The following MITF variants were observed in gnomAD, a reference collection of about 807,000 sequenced individuals.
MITF encodes microphthalmia-associated transcription factor.
MITF carries 17 observed loss-of-function variants against 60.5 expected under a neutral mutation model. That is an observed-to-expected ratio of 0.28 (90% CI 0.19 to 0.42). The LOEUF (loss-of-function observed/expected upper bound fraction) is 0.42. Among genes scored for constraint, MITF ranks in the 10% least tolerant of loss-of-function variants. MITF has a pLI of 1.00. For synonymous variants in MITF, 260 were observed against 248.5 expected (o/e 1.05, Z -0.43); for missense variants, 622 against 683.5 (o/e 0.91, Z 1.00).
Position 69,924,554 on chromosome 3 carries a change from A to G in MITF, c.355-13268A>G, listed in dbSNP as rs144211464. Reference sequence around the variant, plus strand: ...TTTATACGAAAGCAGAGTGAATAATAGAATGAACCCTTCGCGTAACCCATC... The same window carrying G: ...TTTATACGAAAGCAGAGTGAATAATGGAATGAACCCTTCGCGTAACCCATC... On this transcript the variant is annotated intron_variant, in intron 2 of 9. Coordinates refer to ENST00000352241, the MANE Select transcript of MITF (RefSeq NM_001354604.2). Among the ~76,000 whole-genome samples the G allele has an allele frequency of 2.5e-3, 384 of 152,360 alleles. 20 individuals carry two copies. The East Asian group carries it at 0.062, about 25-fold the overall frequency.
intron 3 of MITF, chr3:69,938,857 G>A: frequency 1.4e-6 from 2 of 1,426,736 alleles, no homozygotes; most frequent in South Asian, 3.1e-5. Flanking sequence ...ATTTCTAGAG[G>A]GACTAAAATC....
intron 2 of MITF, among the ~76,000 whole-genome samples, chr3:69,917,931 A>G (rs1559718964): frequency 6.6e-6 from 1 of 152,158 alleles, no homozygotes; most frequent in Non-Finnish European, 1.5e-5. Context: ...TTCCACTTTG[A>G]TCAATAGAAA....
chr3:69,921,841 T>G (rs2065474035), intron 2 of MITF, among the ~76,000 whole-genome samples: 1 of 152,166 alleles, frequency 6.6e-6, no homozygotes, highest in African/African-American at 2.4e-5. Context: ...ACTGTGGCAT[T>G]ATTAACACTG....
At chr3:69,821,054 C>T (rs563134081) in intron 1 of MITF, among the ~76,000 whole-genome samples, 3 of 152,264 alleles carry the variant, frequency 2.0e-5, no homozygotes, top group Admixed American at 6.5e-5. Context: ...GAGCCCCAAA[C>T]TTATAGCAAT....
chr3:69,814,151 A>T (rs2063144208), intron 1 of MITF, among the ~76,000 whole-genome samples: 2 of 151,910 alleles, frequency 1.3e-5, no homozygotes, highest in Non-Finnish European at 2.9e-5. Context: ...ACTCTCTGCC[A>T]CTGCGGTATT....
chr3:69,789,068 G>T (rs1334661321), intron 1 of MITF, among the ~76,000 whole-genome samples: 1 of 151,966 alleles, frequency 6.6e-6, no homozygotes, highest in African/African-American at 2.4e-5. Context: ...CAAAAGCACA[G>T]GCAACAAAAT....
chr3:69,922,085 G>A (rs2065479722), intron 2 of MITF, among the ~76,000 whole-genome samples: 1 of 152,178 alleles, frequency 6.6e-6, no homozygotes, highest in African/African-American at 2.4e-5. Context: ...TTCTGTGTGG[G>A]TTACTCTCCC....
rs2107551737 is a variant in MITF, at chr3:69,964,858, G to A, written c.1191G>A (p.Met397Ile). ...HLLLRIQELE[M>I]QARAHGLSLI... Reference sequence around the variant, plus strand: ...TACTCTTATTATAGGAACTTGAAATGCAGGCTCGAGCTCATGGACTTTCCC... The same window carrying A: ...TACTCTTATTATAGGAACTTGAAATACAGGCTCGAGCTCATGGACTTTCCC... The change falls in exon 10 of 10, where the codon ATG (methionine) becomes ATA (isoleucine). Residue 397 changes from methionine (M) to isoleucine (I), a missense_variant. By Grantham distance (10) the Met-to-Ile change is conservative (BLOSUM62 1). Coordinates refer to ENST00000352241, the MANE Select transcript of MITF (RefSeq NM_001354604.2). The A allele has an allele frequency of 6.2e-7, 1 of 1,614,000 alleles. No homozygotes were observed. Among genetic ancestry groups the A allele is most frequent in the Non-Finnish European group, 8.5e-7 (1 of 1,179,956 alleles).
At chr3:69,918,893 G>C (rs1451632058) in intron 2 of MITF, among the ~76,000 whole-genome samples, 5 of 152,118 alleles carry the variant, frequency 3.3e-5, no homozygotes, top group Non-Finnish European at 7.4e-5. Flanking sequence ...AAAATGGCAT[G>C]GCTTGTTGTT....
chr3:69,911,959 A>T (rs2065234138), intron 2 of MITF, among the ~76,000 whole-genome samples: 1 of 152,234 alleles, frequency 6.6e-6, no homozygotes, highest in Non-Finnish European at 1.5e-5. Flanking sequence ...AAACATGGGG[A>T]TGTTCACTGC....
At chr3:69,900,228 C>G (rs2064966940) in intron 2 of MITF, among the ~76,000 whole-genome samples, 1 of 152,088 alleles carries the variant, frequency 6.6e-6, no homozygotes, top group Admixed American at 6.6e-5. Flanking sequence ...TGACCCTCCC[C>G]TCTGCTCCCA....
intron 2 of MITF, among the ~76,000 whole-genome samples, chr3:69,889,418 C>A (rs1156909540): frequency 1.3e-5 from 2 of 149,928 alleles, no homozygotes; most frequent in African/African-American, 4.9e-5. Context: ...TTCACGAAAG[C>A]AGTGCTGTCT....
At chr3:69,792,242 G>T (rs1197624196) in intron 1 of MITF, among the ~76,000 whole-genome samples, 1 of 152,156 alleles carries the variant, frequency 6.6e-6, no homozygotes, top group Non-Finnish European at 1.5e-5. Context: ...GTGAGCAAAG[G>T]GCCAGATGTT....
chr3:69,831,358 C>G (rs905156470), intron 1 of MITF, among the ~76,000 whole-genome samples: 1 of 152,176 alleles, frequency 6.6e-6, no homozygotes, highest in Non-Finnish European at 1.5e-5. Context: ...TTTTTCTGTT[C>G]CTTTTTCTTT....
At chr3:69,938,116 C>G in intron 3 of MITF, 67 bp downstream of exon 3, 3 of 1,500,738 alleles carry the variant, frequency 2.0e-6, no homozygotes, top group Non-Finnish European at 2.8e-6. Context: ...AATATGATTC[C>G]CACACTTAAC....
intron 1 of MITF, among the ~76,000 whole-genome samples, chr3:69,804,296 T>C (rs766063340): frequency 1.3e-5 from 2 of 150,928 alleles, no homozygotes; most frequent in Non-Finnish European, 3.0e-5. Flanking sequence ...TTCTCTCCCA[T>C]TTCCCTCCCC....
At chr3:69,950,726 A>G (rs2066228542) in intron 6 of MITF, among the ~76,000 whole-genome samples, 1 of 151,816 alleles carries the variant, frequency 6.6e-6, no homozygotes. Context: ...GTAATGCTTC[A>G]GCTATCACTT....
chr3:69,861,619 T>C (rs2064018419), intron 1 of MITF, among the ~76,000 whole-genome samples: 1 of 152,178 alleles, frequency 6.6e-6, no homozygotes, highest in African/African-American at 2.4e-5. Context: ...CCTCTTCCCA[T>C]TGGCATGTGA....
At chr3:69,876,065 G>A (rs1036230254) in intron 1 of MITF, among the ~76,000 whole-genome samples, 1 of 151,848 alleles carries the variant, frequency 6.6e-6, no homozygotes, top group Non-Finnish European at 1.5e-5. Context: ...TCATACATAC[G>A]TATTTTTTTT....
Sources: allele counts gnomAD v4.1 joint callset (sites outside exome capture counted in the v4.1 genomes callset), GRCh38; gene constraint gnomAD v4.1.1; transcripts MANE v1.5; gene names NCBI Gene and HGNC (gene_info 2026-07-23, HGNC 2026-07-21).